Variants in RASSF8 observed in about 807,000 individuals in gnomAD.
RASSF8 encodes Ras association domain family member 8, also known as ras association domain-containing protein 8.
In RASSF8, 22 loss-of-function variants were observed where a neutral mutation model predicts 48.5. That is an observed-to-expected ratio of 0.45 (90% CI 0.32 to 0.65). The LOEUF (loss-of-function observed/expected upper bound fraction) is 0.65, where lower values mean the gene tolerates loss of function less well. Ranked by LOEUF, RASSF8 falls within the 30% of genes least tolerant of loss-of-function variation. The pLI, the probability that RASSF8 is intolerant of heterozygous loss-of-function variation, is 0.03. For missense variants in RASSF8, 418 were observed against 489.2 expected (o/e 0.85, Z 1.37); for synonymous variants, 127 against 171.5 (o/e 0.74, Z 2.03).
chr12:26,039,977 GTAAT>G (rs1943230343), intron 2 of RASSF8, among the ~76,000 whole-genome samples: 1 of 152,074 alleles, frequency 6.6e-6, no homozygotes, highest in Non-Finnish European at 1.5e-5. Flanking sequence ...TGGTAATACT[GTAAT>G]TAACATAGAG....
At chr12:26,048,800 C>T (rs144312589) in intron 2 of RASSF8, among the ~76,000 whole-genome samples, 1 of 152,178 alleles carries the variant, frequency 6.6e-6, no homozygotes, top group East Asian at 1.9e-4. Context: ...GTCGCCCAGG[C>T]TGGAGTGCAA....
chr12:26,032,089 A>G (rs1040460970), intron 2 of RASSF8, among the ~76,000 whole-genome samples: 5 of 152,148 alleles, frequency 3.3e-5, no homozygotes, highest in Admixed American at 1.3e-4. Flanking sequence ...TTGTATCTGG[A>G]AAATTTACCA....
intron 3 of RASSF8, among the ~76,000 whole-genome samples, chr12:26,059,565 C>T (rs1300808615): frequency 6.6e-6 from 1 of 152,052 alleles, no homozygotes; most frequent in Non-Finnish European, 1.5e-5. Context: ...AAATTATACT[C>T]TTCATATGCT....
At chr12:25,966,566 G>T (rs537613626) in intron 1 of RASSF8, among the ~76,000 whole-genome samples, 1 of 152,298 alleles carries the variant, frequency 6.6e-6, no homozygotes, top group African/African-American at 2.4e-5. Flanking sequence ...ATCTTTTCAT[G>T]TGTTTTTTAT....
chr12:26,040,891 G>GTTT (rs113609672), intron 2 of RASSF8, among the ~76,000 whole-genome samples: 1 of 141,882 alleles, frequency 7.0e-6, no homozygotes, highest in African/African-American at 2.6e-5. Flanking sequence ...ATTATACATA[G>GTTT]TTTTTTTTTT....
intron 2 of RASSF8, among the ~76,000 whole-genome samples, chr12:26,026,197 T>G (rs927068864): frequency 1.3e-5 from 2 of 152,214 alleles, no homozygotes; most frequent in South Asian, 4.1e-4. Flanking sequence ...AAGACAACTT[T>G]AATGGGAAAA....
chr12:25,983,766 A>G (rs1941800188), intron 1 of RASSF8, among the ~76,000 whole-genome samples: 1 of 152,188 alleles, frequency 6.6e-6, no homozygotes, highest in African/African-American at 2.4e-5. Context: ...TTATCTGTAC[A>G]GTGGATTACC....
chr12:25,995,414 G>A (rs1438731046), intron 2 of RASSF8, among the ~76,000 whole-genome samples: 1 of 152,126 alleles, frequency 6.6e-6, no homozygotes, highest in Non-Finnish European at 1.5e-5. Context: ...GGAGTCTGAA[G>A]CAAAATATTT....
intron 2 of RASSF8, among the ~76,000 whole-genome samples, chr12:26,014,269 T>C (rs1189204464): frequency 6.6e-6 from 1 of 152,238 alleles, no homozygotes; most frequent in Non-Finnish European, 1.5e-5. Context: ...AATTAGTTGA[T>C]CATGGTATGT....
downstream of RASSF8, among the ~76,000 whole-genome samples, chr12:26,074,757 C>T (rs1324182399): frequency 6.6e-6 from 1 of 152,038 alleles, no homozygotes; most frequent in Non-Finnish European, 1.5e-5. Flanking sequence ...CTTACCCCAA[C>T]CCAGTGTGTT....
rs147711376 is a variant in RASSF8, at chr12:25,984,834, C to G, written c.-202-10203C>G. On this transcript the variant is annotated intron_variant, in intron 1 of 5. Transcript: ENST00000689635. ...ACTCATTTTATGAGTACTCTTTTGC[C>G]TGTTCAACATTTAGTAAAATTAATT... Among the ~76,000 whole-genome samples, 168 of 152,260 alleles carry G rather than the reference C, an allele frequency of 1.1e-3. 1 individual carries two copies. The highest frequency in any genetic ancestry group is 4.0e-3 in the African/African-American group (166 of 41,548).
At chr12:25,997,965 C>T (rs1344757244) in intron 2 of RASSF8, among the ~76,000 whole-genome samples, 1 of 152,050 alleles carries the variant, frequency 6.6e-6, no homozygotes, top group Non-Finnish European at 1.5e-5. Flanking sequence ...GATAATGTAT[C>T]GCAAACTAGT....
chr12:26,072,939 C>CTTTA (rs1944028466), downstream of RASSF8: 7 of 600,280 alleles, frequency 1.2e-5, no homozygotes, highest in Non-Finnish European at 1.5e-5. Flanking sequence ...TTAAAAGATA[C>CTTTA]CAAAGAGAAT....
downstream of RASSF8, among the ~76,000 whole-genome samples, chr12:26,076,170 C>T (rs1421072895): frequency 1.3e-5 from 2 of 152,080 alleles, no homozygotes; most frequent in Non-Finnish European, 2.9e-5. Flanking sequence ...ATTCCCGATT[C>T]TTGCAAATAG....
intron 2 of RASSF8, among the ~76,000 whole-genome samples, chr12:26,044,140 T>G (rs1157359243): frequency 2.0e-5 from 3 of 152,228 alleles, no homozygotes; most frequent in Non-Finnish European, 4.4e-5. Context: ...ATTGCCATGC[T>G]GCTACTTCCT....
Position 26,031,126 on chromosome 12 carries a change from A to T in RASSF8, c.-108-24110A>T, listed in dbSNP as rs150095165. Among the ~76,000 whole-genome samples, 1,437 of 152,196 alleles carry T rather than the reference A, an allele frequency of 9.4e-3. 9 individuals carry two copies. The highest frequency in any genetic ancestry group is 0.016 in the Non-Finnish European group (1,055 of 67,996). ...GTAATGCCTGAGACAACAATCAAAT[A>T]AGCTTTATTTTACAACTAGTAACTT... On this transcript the variant is annotated intron_variant, in intron 2 of 5. Transcript: ENST00000689635.
At chr12:26,061,073 C>T (rs1412287314) in intron 3 of RASSF8, among the ~76,000 whole-genome samples, 2 of 152,098 alleles carry the variant, frequency 1.3e-5, no homozygotes, top group African/African-American at 4.8e-5. Context: ...GTTTCTGACA[C>T]ATATGTGGTG....
chr12:26,019,563 CTGTGTGTGTGTGTGTGTGTGTGTGTGTG>C (rs56895234), intron 2 of RASSF8, among the ~76,000 whole-genome samples: 1 of 148,200 alleles, frequency 6.7e-6, no homozygotes, highest in Non-Finnish European at 1.5e-5. Context: ...CGGGCATACA[CTGTGTGTGTGTGTGTGTGTGTGTGTGTG>C]TGTGTGTGTG....
intron 1 of RASSF8, among the ~76,000 whole-genome samples, chr12:25,978,707 G>T (rs765594382): frequency 6.6e-6 from 1 of 151,636 alleles, no homozygotes; most frequent in African/African-American, 2.4e-5. Context: ...TTAACCAGGG[G>T]CACGATGGGA....
Sources: gnomAD v4.1 joint callset for allele counts (sites outside exome capture counted in the v4.1 genomes callset) on GRCh38, gnomAD v4.1.1 for gene constraint, MANE v1.5 for transcripts, NCBI Gene and HGNC (gene_info 2026-07-23, HGNC 2026-07-21) for gene names.